The following ATF6 variants were observed in gnomAD, a reference collection of about 807,000 sequenced individuals.
The protein encoded by ATF6 is cyclic AMP-dependent transcription factor ATF-6 alpha.
ATF6 carries 53 observed loss-of-function variants against 83.6 expected under a neutral mutation model. The ratio of observed to expected loss-of-function variants is 0.63; its 90% CI spans 0.51 to 0.80. The LOEUF is 0.80. Ranked by LOEUF, ATF6 falls within the 30% of genes least tolerant of loss-of-function variation. The pLI is 0.00. For missense variants in ATF6, 744 were observed against 797.9 expected (o/e 0.93, Z 0.81); for synonymous variants, 288 against 285.8 (o/e 1.01, Z -0.08).
At chr1:161,955,889 G>A (rs558792480) in intron 15 of ATF6, among the ~76,000 whole-genome samples, 7 of 152,202 alleles carry the variant, frequency 4.6e-5, no homozygotes, top group South Asian at 4.2e-4. Context: ...AAGAGATCCC[G>A]TTCTAAAGCC....
At chr1:161,877,417 A>G (rs1018590853) in intron 14 of ATF6, among the ~76,000 whole-genome samples, 3 of 152,116 alleles carry the variant, frequency 2.0e-5, no homozygotes, top group Admixed American at 1.3e-4. Flanking sequence ...CATGGGGGGA[A>G]TTCAAGGATT....
intron 9 of ATF6, among the ~76,000 whole-genome samples, chr1:161,835,495 G>T (rs1211006831): frequency 6.6e-6 from 1 of 152,194 alleles, no homozygotes; most frequent in African/African-American, 2.4e-5. Context: ...GTTGAAAACT[G>T]TTGTGTGTAG....
intron 14 of ATF6, among the ~76,000 whole-genome samples, chr1:161,865,890 AT>A (rs749131351): frequency 2.0e-4 from 31 of 152,178 alleles, no homozygotes; most frequent in Non-Finnish European, 2.5e-4. Flanking sequence ...TGGGACAGGA[AT>A]TTTGTTCTTT....
intron 2 of ATF6, among the ~76,000 whole-genome samples, chr1:161,780,225 C>G (rs12407741): frequency 0.12 from 18,475 of 151,760 alleles, 1,674 homozygotes; most frequent in East Asian, 0.31. Context: ...AGTTTCCCTT[C>G]TGTGTTTCTG....
At chr1:161,912,271 A>C (rs1688005949) in intron 14 of ATF6, 25 bp from the exon 15 acceptor site, 1 of 1,572,556 alleles carries the variant, frequency 6.4e-7, no homozygotes, top group South Asian at 1.2e-5. Context: ...GTTATATATA[A>C]CAGATTGTTC....
intron 15 of ATF6, among the ~76,000 whole-genome samples, chr1:161,951,862 G>C (rs1218775536): frequency 6.6e-6 from 1 of 152,128 alleles, no homozygotes; most frequent in African/African-American, 2.4e-5. Context: ...CTACGGTTTT[G>C]TGGATCCATT....
intron 15 of ATF6, among the ~76,000 whole-genome samples, chr1:161,919,584 A>G (rs1419822109): frequency 1.3e-5 from 2 of 152,244 alleles, no homozygotes; most frequent in Middle Eastern, 3.2e-3. Context: ...AATGAATTCT[A>G]TGAACAAGCC....
At chr1:161,859,928 G>A (rs1006482261) in intron 12 of ATF6, among the ~76,000 whole-genome samples, 2 of 152,032 alleles carry the variant, frequency 1.3e-5, no homozygotes, top group African/African-American at 4.8e-5. Flanking sequence ...TATATAGCTT[G>A]GTCATAAAAT....
chr1:161,897,910 A>G (rs1206581927), intron 14 of ATF6, among the ~76,000 whole-genome samples: 7 of 152,130 alleles, frequency 4.6e-5, no homozygotes, highest in Admixed American at 4.6e-4. Context: ...TGGCTTGCTT[A>G]TATGCCTCAC....
chr1:161,874,956 A>G (rs1381294607), intron 14 of ATF6, among the ~76,000 whole-genome samples: 3 of 151,654 alleles, frequency 2.0e-5, no homozygotes, highest in Non-Finnish European at 4.4e-5. Context: ...CAGGTCCAAA[A>G]CCAAACTGAG....
intron 15 of ATF6, among the ~76,000 whole-genome samples, chr1:161,932,262 C>T (rs1450284472): frequency 3.3e-5 from 5 of 152,016 alleles, no homozygotes; most frequent in African/African-American, 7.3e-5. Context: ...CACTATTGTA[C>T]TTTTTAAGAC....
At chr1:161,912,510 T>A (rs914408308) in intron 15 of ATF6, 130 bp downstream of exon 15, 5 of 476,946 alleles carry the variant, frequency 1.0e-5, no homozygotes, top group African/African-American at 1.0e-4. Context: ...TCTGAAACAT[T>A]TTTCCACTGT....
At chr1:161,868,178 T>C (rs765071733) in intron 14 of ATF6, among the ~76,000 whole-genome samples, 4 of 152,216 alleles carry the variant, frequency 2.6e-5, no homozygotes, top group Non-Finnish European at 5.9e-5. Flanking sequence ...TTTTACACTT[T>C]ACTGATTCAT....
intron 7 of ATF6, among the ~76,000 whole-genome samples, chr1:161,809,300 T>A (rs1685390285): frequency 1.3e-5 from 2 of 152,168 alleles, no homozygotes; most frequent in African/African-American, 4.8e-5. Flanking sequence ...TGTGTTCGGT[T>A]TTTTGTCCTT....
chr1:161,861,103 G>A (rs1035415062), intron 13 of ATF6, among the ~76,000 whole-genome samples: 1 of 152,170 alleles, frequency 6.6e-6, no homozygotes, highest in Non-Finnish European at 1.5e-5. Context: ...AGAGCACTTA[G>A]CATGGTACAT....
rs1255743190 is a variant in ATF6 at position 161,802,117 on chromosome 1, G to C, written c.754G>C (p.Ala252Pro). 1.9e-6 allele frequency: 3 copies of C among 1,614,092 alleles called. No homozygotes were observed. The highest frequency in any genetic ancestry group is 2.5e-6 in the Non-Finnish European group (3 of 1,179,992). Residue 252 changes from alanine to proline, a missense_variant, in exon 7 of 16, where the codon GCT becomes CCT. Ala to Pro is a conservative substitution (Grantham distance 27, BLOSUM62 -1). Coordinates refer to ENST00000367942, the MANE Select transcript of ATF6 (RefSeq NM_007348.4). ...QLQAPGVLPS[A>P]QPVLAVAGGV... ...TCAAGCACCTGGAGTTCTGCCCTCT[G>C]CTCAGCCAGTCCTTGCTGTTGCTGG...
chr1:161,854,776 G>A (rs1686721078), intron 12 of ATF6, among the ~76,000 whole-genome samples: 1 of 152,100 alleles, frequency 6.6e-6, no homozygotes, highest in Admixed American at 6.5e-5. Context: ...GGAGGCTGAG[G>A]CAGGAGAATG....
At chr1:161,956,252 T>G (rs1688963508) in intron 15 of ATF6, among the ~76,000 whole-genome samples, 1 of 152,180 alleles carries the variant, frequency 6.6e-6, no homozygotes, top group African/African-American at 2.4e-5. Context: ...CTGATACATG[T>G]GTTTTCCATT....
intron 2 of ATF6, 45 bp from the exon 3 acceptor site, chr1:161,781,867 A>G (rs1204011471): frequency 7.8e-7 from 1 of 1,288,688 alleles, no homozygotes; most frequent in African/African-American, 1.5e-5. Flanking sequence ...TAAGATGTGT[A>G]TGTTTTATTC....
Sources: allele counts gnomAD v4.1 joint callset (sites outside exome capture counted in the v4.1 genomes callset), GRCh38; gene constraint gnomAD v4.1.1; transcripts MANE v1.5; gene names NCBI Gene and HGNC (gene_info 2026-07-23, HGNC 2026-07-21).